The following ACTN4 variants were observed in gnomAD, a reference collection of about 807,000 sequenced individuals.
ACTN4 encodes the protein actinin alpha 4.
ACTN4 carries 18 observed loss-of-function variants against 114.2 expected under a neutral mutation model. The observed-to-expected ratio is 0.16, with a 90% CI of 0.11 to 0.23. ACTN4 has a LOEUF of 0.23. Ranked by LOEUF, ACTN4 falls within the 10% of genes least tolerant of loss-of-function variation. The pLI, the probability that ACTN4 is intolerant of heterozygous loss-of-function variation, is 1.00. For synonymous variants in ACTN4, 515 were observed against 506.3 expected (o/e 1.02, Z -0.23); for missense variants, 722 against 1,262.9 (o/e 0.57, Z 6.49).
chr19:38,675,830 G>T (rs1175216403), intron 1 of ACTN4, among the ~76,000 whole-genome samples: 1 of 152,298 alleles, frequency 6.6e-6, no homozygotes, highest in African/African-American at 2.4e-5. Context: ...GCCATACCCA[G>T]CCAGGCCAAG....
At chr19:38,676,278 T>C (rs2144905237) in intron 1 of ACTN4, among the ~76,000 whole-genome samples, 1 of 152,310 alleles carries the variant, frequency 6.6e-6, no homozygotes, top group South Asian at 2.1e-4. Context: ...AACTGCTAGA[T>C]AAGTAAGCAT....
At chr19:38,672,174 G>A (rs2144884885) in intron 1 of ACTN4, among the ~76,000 whole-genome samples, 1 of 151,276 alleles carries the variant, frequency 6.6e-6, no homozygotes, top group East Asian at 1.9e-4. Context: ...CATGGCGGGA[G>A]TTCTCATAGT....
intron 1 of ACTN4, among the ~76,000 whole-genome samples, chr19:38,660,465 G>A (rs2144846963): frequency 6.6e-6 from 1 of 150,796 alleles, no homozygotes; most frequent in Non-Finnish European, 1.5e-5. Context: ...GCGTGTTCTT[G>A]GCTCACTGCA....
rs182997720 is a variant in ACTN4, at chr19:38,699,728, C to T, written c.163-872C>T. 2.0e-5 allele frequency among the ~76,000 whole-genome samples: 3 copies of T among 150,502 alleles called. No homozygotes were observed. In the East Asian group the frequency reaches 5.9e-4, roughly 30 times the overall value. On this transcript the variant is annotated intron_variant, in intron 1 of 20. Transcript: ENST00000252699. ...TGAGATTGCGCCACAGCACTCCAGCCTGGGTGACAGAGCGAGACTCCTTCT... is the reference window on the plus strand; with the variant it reads ...TGAGATTGCGCCACAGCACTCCAGCTTGGGTGACAGAGCGAGACTCCTTCT...
At chr19:38,654,762 A>G (rs1976666993) in intron 1 of ACTN4, among the ~76,000 whole-genome samples, 1 of 151,902 alleles carries the variant, frequency 6.6e-6, no homozygotes, top group African/African-American at 2.4e-5. Context: ...CCCTTTCTCC[A>G]TAAACAAGAG....
chr19:38,667,584 C>T (rs893509474), intron 1 of ACTN4, among the ~76,000 whole-genome samples: 1 of 151,712 alleles, frequency 6.6e-6, no homozygotes, highest in Non-Finnish European at 1.5e-5. Context: ...TTGGCTGTTA[C>T]AGTATGGAAT....
At chr19:38,653,437 T>TTGC (rs1238072854) in intron 1 of ACTN4, among the ~76,000 whole-genome samples, 1 of 152,158 alleles carries the variant, frequency 6.6e-6, no homozygotes, top group Non-Finnish European at 1.5e-5. Context: ...AAAGATTCCC[T>TTGC]TGCTGCTGCT....
intron 1 of ACTN4, among the ~76,000 whole-genome samples, chr19:38,675,817 C>T (rs1458295434): frequency 2.0e-5 from 3 of 152,178 alleles, no homozygotes; most frequent in Non-Finnish European, 4.4e-5. Context: ...TCCTGGGGCT[C>T]CTGCCATACC....
chr19:38,718,282 T>A, intron 11 of ACTN4: 1 of 889,280 alleles, frequency 1.1e-6, no homozygotes, highest in Non-Finnish European at 1.8e-6. Context: ...ATCCCAGCAC[T>A]TTGGCAGGCC....
intron 1 of ACTN4, among the ~76,000 whole-genome samples, chr19:38,684,508 G>C (rs890914052): frequency 6.6e-6 from 1 of 152,188 alleles, no homozygotes; most frequent in African/African-American, 2.4e-5. Flanking sequence ...CCTGAGAGCA[G>C]CAGGGGCCCC....
Position 38,728,045 on chromosome 19 carries a change from C to A in ACTN4, c.2418+19C>A. 6.3e-7 allele frequency: 1 copy of A among 1,599,308 alleles called. No homozygotes were observed. On this transcript the variant is annotated intron_variant, in intron 19 of 20. Transcript: ENST00000252699. ...CCGGCAGGTACTGCACCCTGGGCCC[C>A]AGCGGACCATGGCATTAACTGCTCT...
chr19:38,681,129 GAAAAAAAAA>G (rs35906770), intron 1 of ACTN4, among the ~76,000 whole-genome samples: 31 of 69,276 alleles, frequency 4.5e-4, no homozygotes, highest in African/African-American at 1.7e-3. Context: ...CCAATCTCTA[GAAAAAAAAA>G]AAAAAAAAAA....
intron 1 of ACTN4, among the ~76,000 whole-genome samples, chr19:38,681,129 GAA>G (rs35906770): frequency 0.041 from 2,853 of 69,130 alleles, 14 homozygotes; most frequent in African/African-American, 0.1. Context: ...CCAATCTCTA[GAA>G]AAAAAAAAAA....
chr19:38,712,091 G>A (rs1968674421), intron 8 of ACTN4, among the ~76,000 whole-genome samples: 1 of 152,226 alleles, frequency 6.6e-6, no homozygotes, highest in Non-Finnish European at 1.5e-5. Flanking sequence ...CTTGTTTACT[G>A]AACATGTACT....
At chr19:38,654,572 A>AAG (rs1976660626) in intron 1 of ACTN4, among the ~76,000 whole-genome samples, 1 of 152,008 alleles carries the variant, frequency 6.6e-6, no homozygotes, top group African/African-American at 2.4e-5. Flanking sequence ...AAAAAAAAAA[A>AAG]AAAAAGAAAA....
At position 38,673,757 on chromosome 19, in the gene ACTN4, T is replaced by TA. The variant is rs1967283179; in HGVS notation, c.162+25850_162+25851insA. 4.0e-5 allele frequency among the ~76,000 whole-genome samples: 4 copies of TA among 101,118 alleles called. 2 individuals are homozygous for TA. Among genetic ancestry groups the TA allele is most frequent in the Admixed American group, 2.4e-4 (2 of 8,242 alleles). The allele number at this position is 101,118 out of a possible 152,430, so 66.3% of individuals were successfully genotyped here. A position where few individuals can be genotyped will look rare whatever the true frequency, so the allele number is the denominator to read the frequency against. On this transcript the variant is annotated intron_variant, in intron 1 of 20. Transcript: ENST00000252699. ...TATATTTATATATTTATATATATTT[T>TA]TATATATATATATTTATATATGTAT... is the stretch of plus-strand genomic sequence containing the variant.
rs141722783 is a variant in ACTN4, at chr19:38,662,274, A to G, written c.162+14367A>G. On this transcript the variant is annotated intron_variant, in intron 1 of 20. Transcript: ENST00000252699. ...GAACAGCAACAGGGAGCTCTGGGCTATTGATAGACACTCCTGCCTCTGAAC... is the reference window on the plus strand; with the variant it reads ...GAACAGCAACAGGGAGCTCTGGGCTGTTGATAGACACTCCTGCCTCTGAAC... Among the ~76,000 whole-genome samples, 9 of 152,334 alleles carry G rather than the reference A, an allele frequency of 5.9e-5. No individual in the cohort carries two copies. The East Asian group carries it at 1.5e-3, about 26-fold the overall frequency.
In ACTN4 at chr19:38,730,728, G is replaced by A; in HGVS notation, c.*1296G>A. The A allele has an allele frequency of 4.8e-6, 6 of 1,251,582 alleles. No individual in the cohort carries two copies. In the East Asian group the frequency reaches 1.5e-4, roughly 32 times the overall value. 77.5% of individuals were successfully genotyped at this position (1,251,582 alleles called of 1,614,324 possible). On this transcript the variant is annotated 3_prime_UTR_variant, in exon 21 of 21. Coordinates refer to ENST00000252699, the MANE Select transcript of ACTN4 (RefSeq NM_004924.6). ...TGGTCACCCGGCCGTGAGCAGTGAG[G>A]GCCAGAGACTAGCCCCAGACAGGTG...
intron 1 of ACTN4, among the ~76,000 whole-genome samples, chr19:38,684,601 C>T (rs1033757969): frequency 1.6e-4 from 25 of 152,280 alleles, no homozygotes; most frequent in African/African-American, 5.3e-4. Context: ...GTAGGTGGGG[C>T]GAGCCAGGGT....
Sources: gnomAD v4.1 joint callset for allele counts (sites outside exome capture counted in the v4.1 genomes callset) on GRCh38, gnomAD v4.1.1 for gene constraint, MANE v1.5 for transcripts, NCBI Gene and HGNC (gene_info 2026-07-23, HGNC 2026-07-21) for gene names.